Variants in ZPLD1 observed in about 807,000 individuals in gnomAD.
ZPLD1 encodes zona pellucida like domain containing 1, also known as zona pellucida-like domain-containing protein 1.
Under a neutral mutation model 47.2 loss-of-function variants are expected in ZPLD1, and 34 were observed. That is an observed-to-expected ratio of 0.72 (90% CI 0.55 to 0.96). ZPLD1 has a LOEUF of 0.96. Ranked by LOEUF, ZPLD1 falls within the 40% of genes least tolerant of loss-of-function variation. The probability of loss-of-function intolerance (pLI) is 0.00; values close to 1 mark genes in which losing one functional copy is unlikely to be tolerated. For missense variants in ZPLD1, 512 were observed against 505.8 expected (o/e 1.01, Z -0.12); for synonymous variants, 176 against 186.2 (o/e 0.95, Z 0.45).
At chr3:102,448,290 T>C (rs1195019108) in intron 3 of ZPLD1, among the ~76,000 whole-genome samples, 1 of 152,168 alleles carries the variant, frequency 6.6e-6, no homozygotes, top group Non-Finnish European at 1.5e-5. Context: ...CCTAAAGATA[T>C]CTACTCATTA....
At chr3:102,385,597 A>G (rs1706416367) in intron 6 of ZPLD1, among the ~76,000 whole-genome samples, 1 of 152,202 alleles carries the variant, frequency 6.6e-6, no homozygotes, top group Admixed American at 6.5e-5. Context: ...TATGGTGCAT[A>G]TTTAAATACT....
intron 8 of ZPLD1, among the ~76,000 whole-genome samples, chr3:102,465,925 C>T (rs768317984): frequency 3.3e-5 from 5 of 151,980 alleles, no homozygotes; most frequent in Non-Finnish European, 5.9e-5. Context: ...TTAAGGGAGT[C>T]AGCTCCCAGA....
intron 3 of ZPLD1, among the ~76,000 whole-genome samples, chr3:102,445,490 TC>T (rs1290330902): frequency 6.6e-6 from 1 of 152,182 alleles, no homozygotes; most frequent in Non-Finnish European, 1.5e-5. Flanking sequence ...CTATCTTCTG[TC>T]CAGTCAAAAT....
chr3:102,464,205 C>T lies in ZPLD1; in HGVS notation c.715C>T (p.Pro239Ser), dbSNP rs758778502. 7 of 1,612,916 alleles carry T rather than the reference C, an allele frequency of 4.3e-6. No individual in the cohort carries two copies. Among genetic ancestry groups the T allele is most frequent in the Non-Finnish European group, 5.9e-6 (7 of 1,179,222 alleles). Reference sequence around the variant, plus strand: ...TTTAATGGATTATTGCTATACTACCCCATCAGGAAACCCAAATGATGACAT... The same window carrying T: ...TTTAATGGATTATTGCTATACTACCTCATCAGGAAACCCAAATGATGACAT... ...NVLMDYCYTT[P>S]SGNPNDDIRY... Residue 239 changes from proline to serine, a missense_variant, in exon 8 of 12, where the codon CCA becomes TCA. Coordinates refer to ENST00000466937, the MANE Select transcript of ZPLD1 (RefSeq NM_001329788.2).
chr3:102,407,317 C>A (rs575550393), intron 7 of ZPLD1, among the ~76,000 whole-genome samples: 65 of 144,398 alleles, frequency 4.5e-4, no homozygotes, highest in African/African-American at 1.5e-3. Context: ...AATCTCAAAT[C>A]TCACCAACTC....
At chr3:102,429,807 T>C (rs2107313387) in intron 8 of ZPLD1, among the ~76,000 whole-genome samples, 1 of 152,174 alleles carries the variant, frequency 6.6e-6, no homozygotes, top group East Asian at 1.9e-4. Context: ...TTTGGATAAA[T>C]ACATAGATAA....
intron 7 of ZPLD1, among the ~76,000 whole-genome samples, chr3:102,404,947 T>C (rs1412894409): frequency 6.6e-6 from 1 of 151,998 alleles, no homozygotes; most frequent in Non-Finnish European, 1.5e-5. Context: ...CCCACAGAGT[T>C]ACTCAGCATA....
intron 3 of ZPLD1, among the ~76,000 whole-genome samples, chr3:102,444,276 A>G (rs192236182): frequency 6.6e-6 from 1 of 152,326 alleles, no homozygotes; most frequent in African/African-American, 2.4e-5. Flanking sequence ...TGAACTTCCT[A>G]GAGCACTGGA....
intron 7 of ZPLD1, among the ~76,000 whole-genome samples, chr3:102,410,037 G>C (rs1274137194): frequency 1.3e-5 from 2 of 151,776 alleles, no homozygotes; most frequent in Non-Finnish European, 2.9e-5. Flanking sequence ...TCATTTTCCA[G>C]ACTACTGATC....
At chr3:102,469,342 G>C (rs1485607070) in intron 9 of ZPLD1, among the ~76,000 whole-genome samples, 3 of 152,204 alleles carry the variant, frequency 2.0e-5, no homozygotes, top group African/African-American at 7.2e-5. Flanking sequence ...GATGAGGTGT[G>C]CACAAATTCT....
chr3:102,477,381 G>T (rs1707773594), intron 11 of ZPLD1, 62 bp from the exon 12 acceptor site: 1 of 1,526,150 alleles, frequency 6.6e-7, no homozygotes, highest in East Asian at 2.3e-5. Context: ...GGTAAAATTG[G>T]GTCAAGGTGA....
chr3:102,476,903 G>A, intron 10 of ZPLD1, 109 bp from the exon 11 acceptor site: 2 of 1,284,034 alleles, frequency 1.6e-6, no homozygotes, highest in Non-Finnish European at 2.2e-6. Flanking sequence ...GGACGTAAGA[G>A]GAGATAACAG....
chr3:102,432,883 A>G (rs1707033153), upstream of ZPLD1, among the ~76,000 whole-genome samples: 1 of 152,214 alleles, frequency 6.6e-6, no homozygotes, highest in South Asian at 2.1e-4. Flanking sequence ...AGCTTCATTT[A>G]TATGGGTTAG....
intron 7 of ZPLD1, among the ~76,000 whole-genome samples, chr3:102,395,460 A>T (rs1191116695): frequency 6.6e-6 from 1 of 152,086 alleles, no homozygotes; most frequent in African/African-American, 2.4e-5. Context: ...GCTGGCTTTG[A>T]TGATGGAAAG....
exon 6 of ZPLD1, chr3:102,385,285 C>A (rs1182849140): frequency 6.6e-6 from 1 of 152,230 alleles, no homozygotes; most frequent in Non-Finnish European, 1.5e-5. Flanking sequence ...CAAAAGCCTG[C>A]ATCAGTCATG....
intron 5 of ZPLD1, among the ~76,000 whole-genome samples, chr3:102,457,478 G>A (rs1253320292): frequency 4.6e-5 from 7 of 152,188 alleles, no homozygotes; most frequent in African/African-American, 1.7e-4. Flanking sequence ...TGGAATTGAT[G>A]AAAGTGTATT....
At chr3:102,413,766 G>T (rs903221006) in intron 7 of ZPLD1, among the ~76,000 whole-genome samples, 2 of 151,720 alleles carry the variant, frequency 1.3e-5, no homozygotes, top group Non-Finnish European at 2.9e-5. Context: ...TCTAGATAAG[G>T]TGGAAAACTG....
chr3:102,404,346 C>T (rs2107294019), intron 7 of ZPLD1, among the ~76,000 whole-genome samples: 1 of 151,888 alleles, frequency 6.6e-6, no homozygotes, highest in South Asian at 2.1e-4. Context: ...CTAAGTTGTC[C>T]CGCTGATTTA....
Position 102,416,467 on chromosome 3 carries a change from G to A in ZPLD1, c.-156-1593G>A, listed in dbSNP as rs529508416. On this transcript the variant is annotated intron_variant, in intron 7 of 17. Transcript: ENST00000491959. ...ATAGTAGAAGACATGATGGATATGC[G>A]TTCAAAGCGAAACCTGAAACATTGC... Among the ~76,000 whole-genome samples the A allele has an allele frequency of 1.6e-4, 25 of 151,904 alleles. 1 individual carries two copies. In the South Asian group the frequency reaches 3.9e-3, roughly 24 times the overall value.
Sources: allele counts gnomAD v4.1 joint callset (sites outside exome capture counted in the v4.1 genomes callset), GRCh38; gene constraint gnomAD v4.1.1; transcripts MANE v1.5; gene names NCBI Gene and HGNC (gene_info 2026-07-23, HGNC 2026-07-21).